DLC1: variants seen among roughly 807,000 people sequenced by gnomAD.
DLC1 encodes rho GTPase-activating protein 7.
DLC1 carries 54 observed loss-of-function variants against 140.3 expected under a neutral mutation model. The observed-to-expected ratio is 0.38, with a 90% CI of 0.31 to 0.48. DLC1 has a LOEUF of 0.48. Among genes scored for constraint, DLC1 ranks in the 20% least tolerant of loss-of-function variants. The probability of loss-of-function intolerance (pLI) is 0.96; values close to 1 mark genes in which losing one functional copy is unlikely to be tolerated. For missense variants in DLC1, 2,536 were observed against 1,907.0 expected, an observed-to-expected ratio of 1.33 and a Z score of -6.14; for synonymous variants, 986 against 728.1, an observed-to-expected ratio of 1.35 and a Z score of -5.70.
chr8:13,595,154 A>G (rs200101241), intron 1 of DLC1, among the ~76,000 whole-genome samples: 1 of 152,086 alleles, frequency 6.6e-6, no homozygotes, highest in Non-Finnish European at 1.5e-5. Context: ...ACAAGCATTA[A>G]GATTACTAAA....
Position 13,303,197 on chromosome 8 carries a change from ATTCTAATAT to A in DLC1, c.1348+2063_1348+2071del, listed in dbSNP as rs1321707232. Among the ~76,000 whole-genome samples the A allele has an allele frequency of 3.9e-5, 6 of 152,326 alleles. No homozygotes were observed. In the East Asian group the frequency reaches 1.2e-3, roughly 29 times the overall value. On this transcript the variant is annotated intron_variant, in intron 5 of 17. Transcript: ENST00000276297. ...ATTCATTCTGGAGTAAATTCCAATC[ATTCTAATAT>A]TTTCATAAAGAGCAGAAGTCAGATT...
chr8:13,553,203 C>CATATATATATATATATATATGT, intron 1 of DLC1, among the ~76,000 whole-genome samples: 1 of 68,026 alleles, frequency 1.5e-5, no homozygotes, highest in African/African-American at 5.1e-5. Context: ...TGCCAGCTGT[C>CATATATATATATATATATATGT]ATATATATAT....
chr8:13,121,647 C>T (rs941044538), intron 5 of DLC1, among the ~76,000 whole-genome samples: 2 of 152,228 alleles, frequency 1.3e-5, no homozygotes, highest in South Asian at 2.1e-4. Context: ...CTCTTGGGCT[C>T]AAGAAACCCT....
At chr8:13,210,205 A>G (rs537559839) in intron 5 of DLC1, among the ~76,000 whole-genome samples, 2 of 152,348 alleles carry the variant, frequency 1.3e-5, no homozygotes, top group Non-Finnish European at 2.9e-5. Context: ...AAAATAGCTA[A>G]CAAAACACAG....
intron 5 of DLC1, among the ~76,000 whole-genome samples, chr8:13,172,941 C>A (rs897816341): frequency 2.0e-5 from 3 of 152,190 alleles, no homozygotes; most frequent in African/African-American, 7.2e-5. Flanking sequence ...TGATTACAGA[C>A]CCTTACTGGG....
chr8:13,589,501 A>G (rs1805445531), intron 1 of DLC1, among the ~76,000 whole-genome samples: 1 of 152,154 alleles, frequency 6.6e-6, no homozygotes, highest in Middle Eastern at 3.4e-3. Flanking sequence ...GCTTGTGTTG[A>G]GTTCATTTTG....
At chr8:13,434,876 C>T (rs980486478) in intron 2 of DLC1, among the ~76,000 whole-genome samples, 1 of 152,056 alleles carries the variant, frequency 6.6e-6, no homozygotes, top group African/African-American at 2.4e-5. Flanking sequence ...GATGGTGTTT[C>T]GTCGTGTTGC....
chr8:13,461,748 C>T (rs1392508984), intron 2 of DLC1, among the ~76,000 whole-genome samples: 1 of 152,150 alleles, frequency 6.6e-6, no homozygotes, highest in Non-Finnish European at 1.5e-5. Context: ...AATGACTTAC[C>T]CACCCAGGAT....
Position 13,579,348 on chromosome 8 carries a change from TATATATATATA to T in DLC1, c.-126+25178_-126+25188del, listed in dbSNP as rs1348560606. Among the ~76,000 whole-genome samples the T allele has an allele frequency of 1.5e-4, 8 of 54,060 alleles. 2 individuals carry two copies. The highest frequency in any genetic ancestry group is 1.2e-3 in the Admixed American group (4 of 3,406). 35.5% of individuals were successfully genotyped at this position (54,060 alleles called of 152,430 possible). ...ATATATATATATATATATATATATA[TATATATATATA>T]TATTTTTATATAATACATATTTATA... is the stretch of plus-strand genomic sequence containing the variant. On this transcript the variant is annotated intron_variant, in intron 1 of 1. Transcript: ENST00000631382.
chr8:13,443,972 C>G lies in DLC1; in HGVS notation c.1024-42353G>C, dbSNP rs1798663494. 4.6e-5 allele frequency among the ~76,000 whole-genome samples: 7 copies of G among 152,142 alleles called. No homozygotes were observed. The South Asian group carries it at 1.0e-3, about 23-fold the overall frequency. ...ATATCCTGAAGCTATCTGAAATCCA[C>G]AAAGCATTGTATGAATCATGGCCAT... On this transcript the variant is annotated intron_variant, in intron 2 of 17. Transcript: ENST00000276297.
At chr8:13,231,406 C>A (rs1164590139) in intron 5 of DLC1, among the ~76,000 whole-genome samples, 1 of 152,166 alleles carries the variant, frequency 6.6e-6, no homozygotes, top group Non-Finnish European at 1.5e-5. Flanking sequence ...CCTTATTCTT[C>A]TTCTGTGATC....
chr8:13,246,030 G>A (rs1829749196), intron 5 of DLC1, among the ~76,000 whole-genome samples: 1 of 152,038 alleles, frequency 6.6e-6, no homozygotes, highest in Non-Finnish European at 1.5e-5. Flanking sequence ...CTTTAAACAA[G>A]AACACTTTAA....
intron 5 of DLC1, among the ~76,000 whole-genome samples, chr8:13,124,100 C>T (rs112473118): frequency 3.3e-5 from 5 of 152,038 alleles, no homozygotes; most frequent in African/African-American, 1.2e-4. Flanking sequence ...TGTTATATAC[C>T]AATGTGACCA....
intron 1 of DLC1, among the ~76,000 whole-genome samples, chr8:13,521,603 G>C (rs969213841): frequency 1.3e-5 from 2 of 152,038 alleles, no homozygotes; most frequent in South Asian, 2.1e-4. Context: ...CTCTGCTCTG[G>C]TTAAATCTCT....
intron 6 of DLC1, among the ~76,000 whole-genome samples, chr8:13,111,030 G>A (rs1237150425): frequency 6.6e-6 from 1 of 152,208 alleles, no homozygotes; most frequent in African/African-American, 2.4e-5. Context: ...CGGCTTTAAT[G>A]TGGGGGAAAC....
intron 2 of DLC1, among the ~76,000 whole-genome samples, chr8:13,462,504 C>G (rs942178500): frequency 6.6e-6 from 1 of 151,320 alleles, no homozygotes; most frequent in Non-Finnish European, 1.5e-5. Context: ...CCCAGGTTCA[C>G]GCCATTCTCC....
intron 5 of DLC1, among the ~76,000 whole-genome samples, chr8:13,203,537 T>A (rs1827504380): frequency 6.6e-6 from 1 of 152,220 alleles, no homozygotes; most frequent in African/African-American, 2.4e-5. Context: ...ACCTGGAGAT[T>A]GTGCGCAATC....
At chr8:13,334,097 GA>G (rs1833718539) in intron 4 of DLC1, among the ~76,000 whole-genome samples, 1 of 152,100 alleles carries the variant, frequency 6.6e-6, no homozygotes, top group South Asian at 2.1e-4. Flanking sequence ...GATGCTTGGA[GA>G]GGGGGTGAGA....
intron 5 of DLC1, among the ~76,000 whole-genome samples, chr8:13,141,714 C>G (rs1221294438): frequency 6.6e-6 from 1 of 152,200 alleles, no homozygotes; most frequent in Non-Finnish European, 1.5e-5. Context: ...CTACACAGCT[C>G]CAGATCATTA....
Sources: gnomAD v4.1 joint callset for allele counts (sites outside exome capture counted in the v4.1 genomes callset) on GRCh38, gnomAD v4.1.1 for gene constraint, MANE v1.5 for transcripts, NCBI Gene and HGNC (gene_info 2026-07-23, HGNC 2026-07-21) for gene names.